SCN7A: variants seen among roughly 807,000 people sequenced by gnomAD.
SCN7A encodes the protein sodium channel protein type 7 subunit alpha.
SCN7A carries 138 observed loss-of-function variants against 155.2 expected under a neutral mutation model. That is an observed-to-expected ratio of 0.89 (90% CI 0.77 to 1.02). SCN7A has a LOEUF of 1.02. Ranked by LOEUF, SCN7A falls within the 50% of genes least tolerant of loss-of-function variation. The pLI, the probability that SCN7A is intolerant of heterozygous loss-of-function variation, is 0.00. For missense variants in SCN7A, 2,058 were observed against 1,986.6 expected (o/e 1.04, Z -0.68); for synonymous variants, 693 against 649.0 (o/e 1.07, Z -1.03).
chr2:166,446,902 T>C (rs150886788), intron 12 of SCN7A, among the ~76,000 whole-genome samples: 1 of 152,048 alleles, frequency 6.6e-6, no homozygotes, highest in Non-Finnish European at 1.5e-5. Context: ...AGGGAGAACA[T>C]TGGGAAAAGT....
intron 15 of SCN7A, among the ~76,000 whole-genome samples, chr2:166,438,931 A>G (rs980242834): frequency 1.3e-5 from 2 of 150,992 alleles, no homozygotes; most frequent in Non-Finnish European, 2.9e-5. Context: ...AAATAGAAAG[A>G]GATTGGAGTT....
intron 11 of SCN7A, among the ~76,000 whole-genome samples, chr2:166,448,909 A>G (rs560778973): frequency 6.6e-6 from 1 of 152,360 alleles, no homozygotes; most frequent in East Asian, 1.9e-4. Flanking sequence ...CATTGTGATA[A>G]GTCTTGAAGA....
At chr2:166,421,713 T>C (rs941229350) in intron 19 of SCN7A, among the ~76,000 whole-genome samples, 7 of 152,036 alleles carry the variant, frequency 4.6e-5, no homozygotes, top group African/African-American at 9.7e-5. Flanking sequence ...TGCATTCATA[T>C]ACAAATATGG....
At position 166,404,516 on chromosome 2, in the gene SCN7A, C is replaced by T. The variant is rs1217086859; in HGVS notation, c.*1064G>A. ...TCATAGTTCTCATAGTTTGAGTGAC[C>T]ATTGTCTCTCTCTAAGTTATAAAGA... On this transcript the variant is annotated 3_prime_UTR_variant, in exon 26 of 26. Coordinates refer to ENST00000643258, the MANE Select transcript of SCN7A (RefSeq NM_002976.4). The T allele has an allele frequency of 6.6e-6, 1 of 151,536 alleles. No individual in the cohort carries two copies. Among genetic ancestry groups the T allele is most frequent in the Non-Finnish European group, 1.5e-5 (1 of 67,820 alleles). 9.4% of individuals were successfully genotyped at this position (151,536 alleles called of 1,614,324 possible).
chr2:166,477,262 C>T (rs933580861), intron 3 of SCN7A, among the ~76,000 whole-genome samples: 1 of 151,858 alleles, frequency 6.6e-6, no homozygotes, highest in African/African-American at 2.4e-5. Flanking sequence ...TACTGCCTAA[C>T]CAGGTAAGAT....
At chr2:166,471,517 C>T (rs190248648) in intron 6 of SCN7A, among the ~76,000 whole-genome samples, 5 of 151,874 alleles carry the variant, frequency 3.3e-5, no homozygotes, top group African/African-American at 1.2e-4. Flanking sequence ...AGATTGCTTA[C>T]AACATAGCAG....
At position 166,404,752 on chromosome 2, in the gene SCN7A, A is replaced by C. The variant is rs1011802540; in HGVS notation, c.*828T>G. On this transcript the variant is annotated 3_prime_UTR_variant, in exon 26 of 26. Coordinates refer to ENST00000643258, the MANE Select transcript of SCN7A (RefSeq NM_002976.4). The stretch of plus-strand genomic sequence containing the variant: ...TCATAAGGTAAAGCTTGAGTCTATT[A>C]ACATGTTATTTATTACATCATTTTA... 1 of 151,124 alleles carries C rather than the reference A, an allele frequency of 6.6e-6. No individual in the cohort carries two copies. The highest frequency in any genetic ancestry group is 1.5e-5 in the Non-Finnish European group (1 of 67,718). 9.4% of individuals were successfully genotyped at this position (151,124 alleles called of 1,614,324 possible). A position where few individuals can be genotyped will look rare whatever the true frequency, so the allele number is the denominator to read the frequency against.
chr2:166,493,452 C>G (rs762349447), intron 1 of SCN7A, among the ~76,000 whole-genome samples: 1 of 152,204 alleles, frequency 6.6e-6, no homozygotes, highest in South Asian at 2.1e-4. Context: ...TTGATCTAGT[C>G]AATACCAAAA....
chr2:166,412,513 A>G lies in SCN7A; in HGVS notation c.3606+17T>C. On this transcript the variant is annotated intron_variant, in intron 23 of 25. Transcript: ENST00000643258. ...ATTTTCTCAGACATTGGATAAACAA[A>G]TAATATTTATACTTATCTTTATTTT... The G allele has an allele frequency of 2.1e-6, 3 of 1,413,722 alleles. No homozygotes were observed. Among genetic ancestry groups the G allele is most frequent in the South Asian group, 3.4e-5 (2 of 59,340 alleles). 87.6% of individuals were successfully genotyped at this position (1,413,722 alleles called of 1,614,324 possible).
At chr2:166,421,346 A>C in intron 19 of SCN7A, 49 bp from the exon 20 acceptor site, 1 of 1,044,456 alleles carries the variant, frequency 9.6e-7, no homozygotes. Flanking sequence ...ATATTAATCA[A>C]AATAACATGT....
At chr2:166,476,417 A>T (rs1373419504) in intron 3 of SCN7A, among the ~76,000 whole-genome samples, 1 of 151,964 alleles carries the variant, frequency 6.6e-6, no homozygotes, top group African/African-American at 2.4e-5. Flanking sequence ...CTCGAATTTG[A>T]TATTCTTTCT....
intron 21 of SCN7A, among the ~76,000 whole-genome samples, chr2:166,414,241 TGTAA>T (rs1239609319): frequency 4.7e-5 from 4 of 85,716 alleles, no homozygotes; most frequent in Non-Finnish European, 2.3e-5. Flanking sequence ...TATCTATATA[TGTAA>T]ATATATATAG....
intron 2 of SCN7A, among the ~76,000 whole-genome samples, chr2:166,484,447 A>C (rs954962839): frequency 2.6e-5 from 4 of 151,888 alleles, no homozygotes; most frequent in East Asian, 1.9e-4. Context: ...TAAATATATA[A>C]ATAGCTGAAA....
intron 15 of SCN7A, among the ~76,000 whole-genome samples, chr2:166,439,055 G>GTGTATATATATATATATATATATA (rs375208870): frequency 2.6e-5 from 3 of 113,412 alleles, no homozygotes; most frequent in Admixed American, 9.2e-5. Context: ...GTGTGTGTGT[G>GTGTATATATATATATATATATATA]TATATATATA....
intron 12 of SCN7A, 133 bp from the exon 13 acceptor site, chr2:166,445,133 T>C (rs1559107976): frequency 1.6e-6 from 1 of 606,206 alleles, no homozygotes; most frequent in Non-Finnish European, 2.9e-6. Context: ...CTGGTCAATA[T>C]AGTGAAACTT....
chr2:166,447,395 CAAAG>C (rs1235397238), intron 12 of SCN7A, among the ~76,000 whole-genome samples: 1 of 152,068 alleles, frequency 6.6e-6, no homozygotes. Flanking sequence ...TAATGTTAAA[CAAAG>C]AAAATTATTT....
chr2:166,414,621 TATA>T (rs1701320423), intron 21 of SCN7A: 2 of 144,214 alleles, frequency 1.4e-5, no homozygotes, highest in African/African-American at 2.5e-5. Flanking sequence ...TGGTCTGGGC[TATA>T]ATATCAGTTG....
At chr2:166,421,351 A>G in intron 19 of SCN7A, 54 bp from the exon 20 acceptor site, 1 of 1,021,860 alleles carries the variant, frequency 9.8e-7, no homozygotes, top group South Asian at 1.9e-5. Flanking sequence ...AATCAAAATA[A>G]CATGTAAAAT....
At chr2:166,411,433 C>A (rs1237385728) in intron 23 of SCN7A, among the ~76,000 whole-genome samples, 2 of 151,594 alleles carry the variant, frequency 1.3e-5, no homozygotes, top group Non-Finnish European at 2.9e-5. Context: ...TAATAACCCC[C>A]AAAATGCAAG....
Sources: allele counts gnomAD v4.1 joint callset (sites outside exome capture counted in the v4.1 genomes callset), GRCh38; gene constraint gnomAD v4.1.1; transcripts MANE v1.5; gene names NCBI Gene and HGNC (gene_info 2026-07-23, HGNC 2026-07-21).